Variants in CENPW observed in about 807,000 individuals in gnomAD.
The protein encoded by CENPW is centromere protein W.
CENPW carries 3 observed loss-of-function variants against 11.1 expected under a neutral mutation model. That is an observed-to-expected ratio of 0.27 (90% CI 0.12 to 0.70). The LOEUF (loss-of-function observed/expected upper bound fraction) is 0.70. Among genes scored for constraint, CENPW ranks in the 30% least tolerant of loss-of-function variants. The pLI is 0.77. For synonymous variants in CENPW, 38 were observed against 42.0 expected, an observed-to-expected ratio of 0.91 and a Z score of 0.37; for missense variants, 100 against 105.6, an observed-to-expected ratio of 0.95 and a Z score of 0.23.
chr6:126,409,773 G>A, the CENPW span, among the ~76,000 whole-genome samples: 6 of 151,590 alleles, frequency 4.0e-5, no homozygotes, highest in South Asian at 2.1e-4. Context: ...TATTTTTTAC[G>A]ATTTTTCACT....
At chr6:126,354,258 G>C in the CENPW span, among the ~76,000 whole-genome samples, 2 of 152,090 alleles carry the variant, frequency 1.3e-5, no homozygotes. Flanking sequence ...TCAGGGCTTA[G>C]TTGTATTTCT....
intron 2 of CENPW, among the ~76,000 whole-genome samples, chr6:126,347,228 G>A (rs1349295807): frequency 3.3e-5 from 5 of 152,074 alleles, no homozygotes; most frequent in Non-Finnish European, 7.4e-5. Flanking sequence ...AGTTGACTGG[G>A]GATGATAGAG....
chr6:126,421,535 T>C, the CENPW span, among the ~76,000 whole-genome samples: 1 of 152,026 alleles, frequency 6.6e-6, no homozygotes, highest in East Asian at 1.9e-4. Context: ...ATTAAGACTT[T>C]TTTTCTGCAA....
chr6:126,438,854 A>C, the CENPW span, among the ~76,000 whole-genome samples: 1 of 151,760 alleles, frequency 6.6e-6, no homozygotes, highest in Non-Finnish European at 1.5e-5. Flanking sequence ...ATTAAACAAA[A>C]TACAGCAGTA....
chr6:126,340,261 C>G lies in CENPW; in HGVS notation c.-13C>G. 1.9e-6 allele frequency: 3 copies of G among 1,612,988 alleles called. No individual in the cohort carries two copies. ...ACCTCGGAAGCTGAGGCAGCTGGTACTTGACAGAGAGGATGGCGCTGTCGA... is the reference window on the plus strand; with the variant it reads ...ACCTCGGAAGCTGAGGCAGCTGGTAGTTGACAGAGAGGATGGCGCTGTCGA... On this transcript the variant is annotated 5_prime_UTR_variant, in exon 1 of 3. Transcript: ENST00000368328.
chr6:126,422,614 A>G, the CENPW span, among the ~76,000 whole-genome samples: 7 of 152,080 alleles, frequency 4.6e-5, no homozygotes, highest in African/African-American at 1.7e-4. Flanking sequence ...ACAGTCTTTC[A>G]TTACCTGCAA....
chr6:126,413,732 T>A, the CENPW span, among the ~76,000 whole-genome samples: 1 of 151,568 alleles, frequency 6.6e-6, no homozygotes, highest in Non-Finnish European at 1.5e-5. Flanking sequence ...CATATCACGA[T>A]GATAAAACAA....
chr6:126,381,584 T>C, the CENPW span, among the ~76,000 whole-genome samples: 65 of 152,302 alleles, frequency 4.3e-4, no homozygotes, highest in Admixed American at 2.2e-3. Context: ...GCCAACATTA[T>C]CTGAACTCTC....
the CENPW span, among the ~76,000 whole-genome samples, chr6:126,424,410 A>T: frequency 2.0e-5 from 3 of 152,154 alleles, no homozygotes; most frequent in African/African-American, 7.2e-5. Flanking sequence ...TTTAGAGTTC[A>T]TAGTGAAAGT....
downstream of CENPW, among the ~76,000 whole-genome samples, chr6:126,350,085 C>T (rs1016379372): frequency 2.0e-5 from 3 of 152,064 alleles, no homozygotes; most frequent in African/African-American, 7.2e-5. Context: ...GTGGCTGTAC[C>T]ATTTTACATT....
chr6:126,419,012 A>G, the CENPW span, among the ~76,000 whole-genome samples: 3 of 151,954 alleles, frequency 2.0e-5, no homozygotes, highest in Non-Finnish European at 4.4e-5. Context: ...GCACACCAAC[A>G]TGGCACATGT....
chr6:126,442,041 G>A, the CENPW span, among the ~76,000 whole-genome samples: 2 of 151,600 alleles, frequency 1.3e-5, no homozygotes, highest in African/African-American at 4.8e-5. Flanking sequence ...GTTTTCCACA[G>A]TGGTTGTACC....
the CENPW span, among the ~76,000 whole-genome samples, chr6:126,433,123 A>G: frequency 6.6e-6 from 1 of 152,176 alleles, no homozygotes; most frequent in Non-Finnish European, 1.5e-5. Context: ...ATTGTCTTCA[A>G]AAATTTGTAT....
the CENPW span, among the ~76,000 whole-genome samples, chr6:126,394,837 T>A: frequency 4.8e-4 from 73 of 152,082 alleles, no homozygotes; most frequent in African/African-American, 1.7e-3. Flanking sequence ...TATTCTATAC[T>A]AAAAGTTTTT....
At chr6:126,397,438 G>C in the CENPW span, among the ~76,000 whole-genome samples, 44 of 152,286 alleles carry the variant, frequency 2.9e-4, no homozygotes, top group African/African-American at 1.0e-3. Context: ...GGGAATCAGG[G>C]AGAGTGGGTT....
the CENPW span, among the ~76,000 whole-genome samples, chr6:126,368,519 G>C: frequency 8.3e-6 from 1 of 120,454 alleles, no homozygotes; most frequent in Non-Finnish European, 1.8e-5. Context: ...ACTGTATTAG[G>C]ACTTTTTTTT....
At chr6:126,480,338 C>T in the CENPW span, among the ~76,000 whole-genome samples, 1 of 152,060 alleles carries the variant, frequency 6.6e-6, no homozygotes, top group East Asian at 1.9e-4. Context: ...GGTCTATGAA[C>T]ATGGGACAGA....
chr6:126,384,518 C>A, the CENPW span, among the ~76,000 whole-genome samples: 117 of 152,186 alleles, frequency 7.7e-4, no homozygotes, highest in Middle Eastern at 0.01. Context: ...CAAAAACAAG[C>A]AATGGGAAAA....
chr6:126,423,931 G>A, the CENPW span, among the ~76,000 whole-genome samples: 5 of 151,386 alleles, frequency 3.3e-5, no homozygotes, highest in South Asian at 4.2e-4. Context: ...ATGCTGGTGT[G>A]CTGCACCCAC....
Sources: allele counts gnomAD v4.1 joint callset (sites outside exome capture counted in the v4.1 genomes callset), GRCh38; gene constraint gnomAD v4.1.1; transcripts MANE v1.5; gene names NCBI Gene and HGNC (gene_info 2026-07-23, HGNC 2026-07-21).